PARM1: variants seen among roughly 807,000 people sequenced by gnomAD.
The protein encoded by PARM1 is WSC4, cell wall integrity and stress response component 4 homolog.
A neutral mutation model predicts 24.6 loss-of-function variants in PARM1; 14 were observed. The ratio of observed to expected loss-of-function variants is 0.57; its 90% CI spans 0.38 to 0.89. The LOEUF (loss-of-function observed/expected upper bound fraction) is 0.89. Ranked by LOEUF, PARM1 falls within the 40% of genes least tolerant of loss-of-function variation. The pLI, the probability that PARM1 is intolerant of heterozygous loss-of-function variation, is 0.00. For synonymous variants in PARM1, 179 were observed against 156.6 expected (o/e 1.14, Z -1.07); for missense variants, 362 against 380.4 (o/e 0.95, Z 0.40).
rs541695188 is a variant in PARM1 at position 75,046,420 on chromosome 4, G to A, written c.*173G>A. On this transcript the variant is annotated 3_prime_UTR_variant, in exon 4 of 4. Coordinates refer to ENST00000307428, the MANE Select transcript of PARM1 (RefSeq NM_015393.4). ...CTGGCTGCTACAACTTCCCCTTTCT[G>A]GTACAAGAAGAACCATTCTTTAAAG... The A allele has an allele frequency of 2.1e-5, 11 of 526,360 alleles. No homozygotes were observed. The highest frequency in any genetic ancestry group is 3.8e-5 in the Non-Finnish European group (11 of 291,104). The allele number at this position is 526,360 out of a possible 1,614,324, so 32.6% of individuals were successfully genotyped here.
chr4:75,031,563 C>T (rs1723279183), intron 2 of PARM1, among the ~76,000 whole-genome samples: 1 of 151,944 alleles, frequency 6.6e-6, no homozygotes, highest in South Asian at 2.1e-4. Flanking sequence ...GTTGGAGAAC[C>T]TGCCTGATTT....
chr4:74,974,317 A>C lies in PARM1; in HGVS notation c.44-38108A>C, dbSNP rs990525175. Among the ~76,000 whole-genome samples, 5 of 152,328 alleles carry C rather than the reference A, an allele frequency of 3.3e-5. No individual in the cohort carries two copies. The South Asian group carries it at 1.0e-3, about 32-fold the overall frequency. On this transcript the variant is annotated intron_variant, in intron 1 of 3. Coordinates refer to ENST00000307428, the MANE Select transcript of PARM1 (RefSeq NM_015393.4). ...ATCTGGGCACCTTTTGTCCCAGTCA[A>C]GTTGACACAAAGAATTAACCATCAT...
chr4:74,946,148 G>T (rs1308731601), intron 1 of PARM1, among the ~76,000 whole-genome samples: 2 of 152,144 alleles, frequency 1.3e-5, no homozygotes, highest in East Asian at 1.9e-4. Flanking sequence ...TGCCGTTCAG[G>T]TCACTGAGGT....
intron 1 of PARM1, among the ~76,000 whole-genome samples, chr4:74,942,779 C>CT (rs928369808): frequency 6.6e-6 from 1 of 152,216 alleles, no homozygotes; most frequent in African/African-American, 2.4e-5. Context: ...CACCCCTCCC[C>CT]TCTTAGGTCT....
Position 75,044,732 on chromosome 4 carries a change from T to A in PARM1, c.849-1431T>A, listed in dbSNP as rs116779434. ...CACTTCTGATAAACATACCCGAGAC[T>A]GAGCAATTTACAAAAGAAAGAGGTT... On this transcript the variant is annotated intron_variant, in intron 3 of 3. Coordinates refer to ENST00000307428, the MANE Select transcript of PARM1 (RefSeq NM_015393.4). Among the ~76,000 whole-genome samples, 446 of 150,856 alleles carry A rather than the reference T, an allele frequency of 3.0e-3. 3 individuals are homozygous for A. The highest frequency in any genetic ancestry group is 0.01 in the Middle Eastern group (3 of 294).
At chr4:74,971,569 A>G (rs1722038390) in intron 1 of PARM1, among the ~76,000 whole-genome samples, 1 of 152,214 alleles carries the variant, frequency 6.6e-6, no homozygotes, top group Non-Finnish European at 1.5e-5. Context: ...ACATAAAATA[A>G]CAAGTGTCTG....
At chr4:75,000,732 G>T (rs769096055) in intron 1 of PARM1, among the ~76,000 whole-genome samples, 2 of 152,242 alleles carry the variant, frequency 1.3e-5, no homozygotes, top group Non-Finnish European at 2.9e-5. Flanking sequence ...GAAATGGATT[G>T]GAAGTGGCTG....
chr4:74,978,232 G>A (rs746375579), intron 1 of PARM1, among the ~76,000 whole-genome samples: 86 of 152,170 alleles, frequency 5.7e-4, no homozygotes, highest in Non-Finnish European at 9.7e-4. Flanking sequence ...CATCTCATGT[G>A]CAAAGACCCA....
At chr4:74,995,155 G>A (rs1722553293) in intron 1 of PARM1, among the ~76,000 whole-genome samples, 1 of 152,096 alleles carries the variant, frequency 6.6e-6, no homozygotes, top group Non-Finnish European at 1.5e-5. Flanking sequence ...TTGCATTGTT[G>A]GATTAAGGAT....
intron 1 of PARM1, among the ~76,000 whole-genome samples, chr4:74,949,973 C>A (rs2109984227): frequency 6.6e-6 from 1 of 151,768 alleles, no homozygotes; most frequent in Non-Finnish European, 1.5e-5. Flanking sequence ...CTCTGGAAAT[C>A]TTCCCTGGTG....
intron 1 of PARM1, among the ~76,000 whole-genome samples, chr4:74,972,067 G>A (rs554512808): frequency 3.8e-4 from 58 of 152,314 alleles, no homozygotes; most frequent in African/African-American, 1.4e-3. Flanking sequence ...CAAGGATATT[G>A]ACAACATGCA....
At chr4:75,001,885 C>T (rs553987607) in intron 1 of PARM1, among the ~76,000 whole-genome samples, 42 of 152,304 alleles carry the variant, frequency 2.8e-4, no homozygotes, top group African/African-American at 9.6e-4. Flanking sequence ...TCCCCTTCCC[C>T]GTTCCCTGGA....
At chr4:74,966,123 G>C (rs1352243267) in intron 1 of PARM1, among the ~76,000 whole-genome samples, 1 of 152,134 alleles carries the variant, frequency 6.6e-6, no homozygotes, top group Non-Finnish European at 1.5e-5. Flanking sequence ...AAACTAAAAT[G>C]GTCAATTTTG....
At chr4:75,029,050 C>A (rs983890899) in intron 2 of PARM1, among the ~76,000 whole-genome samples, 1 of 152,130 alleles carries the variant, frequency 6.6e-6, no homozygotes, top group Non-Finnish European at 1.5e-5. Context: ...ATGAACAGAA[C>A]CCCTTCTGAG....
chr4:75,005,087 T>G (rs1286990602), intron 1 of PARM1, among the ~76,000 whole-genome samples: 1 of 152,182 alleles, frequency 6.6e-6, no homozygotes, highest in Non-Finnish European at 1.5e-5. Context: ...CACTTGTTAA[T>G]ATATGTGTTA....
chr4:74,994,513 TA>T (rs995184769), intron 1 of PARM1, among the ~76,000 whole-genome samples: 4 of 152,122 alleles, frequency 2.6e-5, no homozygotes, highest in Admixed American at 6.6e-5. Context: ...ATAAATCAAT[TA>T]AAAAACAATG....
In PARM1 at chr4:74,985,379, G is replaced by C. The variant is rs1165251519; in HGVS notation, c.44-27046G>C. On this transcript the variant is annotated intron_variant, in intron 1 of 3. Coordinates refer to ENST00000307428, the MANE Select transcript of PARM1 (RefSeq NM_015393.4). Reference sequence around the variant, plus strand: ...TAGGACAGCTAGGCCTTGCATTTTGGCATACTCAGCAAGGATGGGTGCAGA... The same window carrying C: ...TAGGACAGCTAGGCCTTGCATTTTGCCATACTCAGCAAGGATGGGTGCAGA... 3.3e-5 allele frequency among the ~76,000 whole-genome samples: 5 copies of C among 152,250 alleles called. No individual in the cohort carries two copies. The South Asian group carries it at 1.0e-3, about 32-fold the overall frequency.
intron 1 of PARM1, among the ~76,000 whole-genome samples, chr4:74,966,586 G>A (rs1407164335): frequency 1.3e-5 from 2 of 152,170 alleles, no homozygotes; most frequent in African/African-American, 2.4e-5. Context: ...GACTAGGCAA[G>A]CAACAGACAG....
At chr4:74,990,028 C>T (rs1722435647) in intron 1 of PARM1, among the ~76,000 whole-genome samples, 1 of 152,010 alleles carries the variant, frequency 6.6e-6, no homozygotes, top group African/African-American at 2.4e-5. Context: ...CTGTAACATA[C>T]AAGAGACATT....
Sources: allele counts gnomAD v4.1 joint callset (sites outside exome capture counted in the v4.1 genomes callset), GRCh38; gene constraint gnomAD v4.1.1; transcripts MANE v1.5; gene names NCBI Gene and HGNC (gene_info 2026-07-23, HGNC 2026-07-21).